CHRM5: variants seen among roughly 807,000 people sequenced by gnomAD.
CHRM5 encodes the protein cholinergic receptor muscarinic 5.
CHRM5 carries 18 observed loss-of-function variants against 39.0 expected under a neutral mutation model. The observed-to-expected ratio is 0.46, with a 90% CI of 0.32 to 0.68. The LOEUF (loss-of-function observed/expected upper bound fraction) is 0.68. Ranked by LOEUF, CHRM5 falls within the 30% of genes least tolerant of loss-of-function variation. CHRM5 has a pLI of 0.04. For synonymous variants in CHRM5, 241 were observed against 246.3 expected (o/e 0.98, Z 0.20); for missense variants, 515 against 651.1 (o/e 0.79, Z 2.28).
At chr15:34,058,300 AAATTAACCATCAC>A (rs1255105262) in intron 2 of CHRM5, among the ~76,000 whole-genome samples, 9 of 152,140 alleles carry the variant, frequency 5.9e-5, no homozygotes, top group Admixed American at 5.2e-4. Context: ...TGGACACATA[AAATTAACCATCAC>A]ACTATTGATA....
chr15:34,018,673 C>T (rs1372942024), intron 1 of CHRM5, among the ~76,000 whole-genome samples: 1 of 152,192 alleles, frequency 6.6e-6, no homozygotes, highest in Non-Finnish European at 1.5e-5. Flanking sequence ...TGGAAAGGGA[C>T]TCCAGTGGGT....
At chr15:33,976,156 C>A (rs1477740796) in intron 1 of CHRM5, among the ~76,000 whole-genome samples, 1 of 152,064 alleles carries the variant, frequency 6.6e-6, no homozygotes, top group Non-Finnish European at 1.5e-5. Context: ...ATAAAATCAA[C>A]TTTTAAAAGA....
chr15:34,060,486 A>C (rs925738111), intron 2 of CHRM5, among the ~76,000 whole-genome samples: 1 of 152,252 alleles, frequency 6.6e-6, no homozygotes, highest in Non-Finnish European at 1.5e-5. Flanking sequence ...CCTTTCTGTC[A>C]GTTACTGTTA....
At chr15:33,984,502 A>C (rs1432002573) in intron 1 of CHRM5, among the ~76,000 whole-genome samples, 1 of 151,858 alleles carries the variant, frequency 6.6e-6, no homozygotes, top group African/African-American at 2.4e-5. Context: ...TCCCTGGTTC[A>C]AGCAATTCTC....
At chr15:33,995,204 C>A (rs773885768) in intron 1 of CHRM5, among the ~76,000 whole-genome samples, 7 of 152,092 alleles carry the variant, frequency 4.6e-5, no homozygotes, top group African/African-American at 7.2e-5. Context: ...GTCAAGGCTG[C>A]AGTGAGCTAT....
chr15:34,044,703 T>G (rs1365476471), intron 1 of CHRM5, among the ~76,000 whole-genome samples: 1 of 147,776 alleles, frequency 6.8e-6, no homozygotes, highest in Non-Finnish European at 1.5e-5. Flanking sequence ...GTTAAATGGG[T>G]CCAGTTTATG....
At chr15:34,038,366 G>A (rs889291749) in intron 1 of CHRM5, among the ~76,000 whole-genome samples, 12 of 152,146 alleles carry the variant, frequency 7.9e-5, no homozygotes, top group African/African-American at 2.9e-4. Context: ...CTAATAACAG[G>A]AGCGTGCCCG....
At position 34,064,669 on chromosome 15, in the gene CHRM5, G is replaced by A. The variant is rs1567495411; in HGVS notation, c.*353G>A. 2 of 249,838 alleles carry A rather than the reference G, an allele frequency of 8.0e-6. No homozygotes were observed. Among genetic ancestry groups the A allele is most frequent in the Non-Finnish European group, 1.7e-5 (2 of 120,934 alleles). The allele number at this position is 249,838 out of a possible 1,614,324, so 15.5% of individuals were successfully genotyped here. ...CTGTAGGAAACAGCAGAGACCAGGT[G>A]GAAACCTTTTCCTGTGGAAACCTGT... is the stretch of plus-strand genomic sequence containing the variant. On this transcript the variant is annotated 3_prime_UTR_variant, in exon 3 of 3. Coordinates refer to ENST00000383263, the MANE Select transcript of CHRM5 (RefSeq NM_012125.4).
intron 1 of CHRM5, chr15:34,038,968 C>A (rs1899322257): frequency 1.8e-6 from 2 of 1,110,180 alleles, no homozygotes; most frequent in Non-Finnish European, 2.2e-6. Flanking sequence ...CCGGGCCGCT[C>A]GCTGTGGCGA....
intron 1 of CHRM5, among the ~76,000 whole-genome samples, chr15:33,985,872 A>C (rs1896423647): frequency 6.6e-6 from 1 of 152,132 alleles, no homozygotes; most frequent in Non-Finnish European, 1.5e-5. Context: ...CAGTGAAAAA[A>C]CTATCTCTAA....
intron 1 of CHRM5, among the ~76,000 whole-genome samples, chr15:34,006,095 A>G (rs554980299): frequency 1.3e-5 from 2 of 152,210 alleles, no homozygotes; most frequent in South Asian, 4.1e-4. Flanking sequence ...GCAGATCACA[A>G]GGTGAGGAGA....
In CHRM5 at chr15:34,039,023, C is replaced by G. The variant is rs1161658668; in HGVS notation, c.-407-7517C>G. 5 of 1,122,960 alleles carry G rather than the reference C, an allele frequency of 4.5e-6. No homozygotes were observed. The South Asian group carries it at 1.9e-4, about 42-fold the overall frequency. The allele number at this position is 1,122,960 out of a possible 1,614,324, so 69.6% of individuals were successfully genotyped here. A position where few individuals can be genotyped will look rare whatever the true frequency, so the allele number is the denominator to read the frequency against. On this transcript the variant is annotated intron_variant, in intron 1 of 2. Transcript: ENST00000383263. ...GGCCTGGCCGCCGCCCACGGCCTCC[C>G]CGAGCTCCTCGCTCCGCCTGCATCT...
chr15:33,974,226 T>C (rs1468201636), intron 1 of CHRM5, among the ~76,000 whole-genome samples: 1 of 152,220 alleles, frequency 6.6e-6, no homozygotes, highest in African/African-American at 2.4e-5. Context: ...GAATAAGTAC[T>C]TTGCAAATGA....
rs1899583546 is a variant in CHRM5 at position 34,043,907 on chromosome 15, T to C, written c.-407-2633T>C. Among the ~76,000 whole-genome samples, 5 of 152,274 alleles carry C rather than the reference T, an allele frequency of 3.3e-5. No homozygotes were observed. The South Asian group carries it at 1.0e-3, about 32-fold the overall frequency. On this transcript the variant is annotated intron_variant, in intron 1 of 2. Transcript: ENST00000383263. Reference sequence around the variant, plus strand: ...TTGTCTGCCTTCCTTCCTGTTAGTATAGAGGGGTCTCTGTCCCAGTCCAAG... The same window carrying C: ...TTGTCTGCCTTCCTTCCTGTTAGTACAGAGGGGTCTCTGTCCCAGTCCAAG...
intron 1 of CHRM5, chr15:33,972,323 T>C (rs1033372704): frequency 2.0e-5 from 3 of 151,720 alleles, no homozygotes; most frequent in Non-Finnish European, 2.9e-5. Context: ...ACTCAGAAAA[T>C]TGAAAAATTA....
chr15:34,039,190 G>A (rs1436956891), intron 1 of CHRM5: 2 of 672,964 alleles, frequency 3.0e-6, no homozygotes, highest in Non-Finnish European at 3.7e-6. Flanking sequence ...GCTAGGGATC[G>A]AGGCCGGCCG....
intron 2 of CHRM5, among the ~76,000 whole-genome samples, chr15:34,061,126 GA>G (rs991504075): frequency 6.6e-6 from 1 of 151,986 alleles, no homozygotes; most frequent in Non-Finnish European, 1.5e-5. Context: ...TCTCTAGAAG[GA>G]AAAATAAATG....
intron 2 of CHRM5, among the ~76,000 whole-genome samples, chr15:34,048,695 A>C (rs965088234): frequency 2.0e-5 from 3 of 152,120 alleles, no homozygotes; most frequent in Non-Finnish European, 4.4e-5. Context: ...CTGCTCTACC[A>C]AAAAGCAGCC....
intron 1 of CHRM5, among the ~76,000 whole-genome samples, chr15:34,041,784 A>G (rs1166970587): frequency 6.6e-6 from 1 of 152,188 alleles, no homozygotes; most frequent in African/African-American, 2.4e-5. Flanking sequence ...TATTTTACAG[A>G]TAAGAAAACT....
Sources: allele counts gnomAD v4.1 joint callset (sites outside exome capture counted in the v4.1 genomes callset), GRCh38; gene constraint gnomAD v4.1.1; transcripts MANE v1.5; gene names NCBI Gene and HGNC (gene_info 2026-07-23, HGNC 2026-07-21).